The following TLR6 variants were observed in gnomAD, a reference collection of about 807,000 sequenced individuals.
The protein encoded by TLR6 is toll like receptor 6.
In TLR6, 9 loss-of-function variants were observed where a neutral mutation model predicts 16.1. The ratio of observed to expected loss-of-function variants is 0.56; its 90% CI spans 0.34 to 0.98. TLR6 has a LOEUF of 0.98. Ranked by LOEUF, TLR6 falls within the 50% of genes least tolerant of loss-of-function variation. The pLI, the probability that TLR6 is intolerant of heterozygous loss-of-function variation, is 0.02. For missense variants in TLR6, 786 were observed against 921.0 expected (o/e 0.85, Z 1.90); for synonymous variants, 340 against 338.6 (o/e 1.00, Z -0.04).
exon 2 of TLR6, chr4:38,828,882 T>A (rs1579239222): frequency 1.2e-6 from 2 of 1,612,630 alleles, no homozygotes; most frequent in Non-Finnish European, 1.7e-6. Flanking sequence ...AGGTGAAGGG[T>A]TTTTGCATTC....
At chr4:38,832,801 A>C (rs1381630037) in intron 1 of TLR6, among the ~76,000 whole-genome samples, 1 of 152,186 alleles carries the variant, frequency 6.6e-6, no homozygotes, top group Non-Finnish European at 1.5e-5. Context: ...CCCAGGAAAC[A>C]GGAAGCACAG....
chr4:38,844,712 A>T (rs1360109729), intron 1 of TLR6, among the ~76,000 whole-genome samples: 3 of 152,254 alleles, frequency 2.0e-5, no homozygotes, highest in African/African-American at 7.2e-5. Context: ...AGAAATTATA[A>T]AAGTCATATT....
intron 1 of TLR6, among the ~76,000 whole-genome samples, chr4:38,854,727 G>A (rs1712900407): frequency 6.6e-6 from 1 of 151,956 alleles, no homozygotes; most frequent in East Asian, 1.9e-4. Flanking sequence ...TCCACTACAA[G>A]GAATTTTCTA....
chr4:38,858,536 A>T (rs1713079009), upstream of TLR6, among the ~76,000 whole-genome samples: 2 of 152,136 alleles, frequency 1.3e-5, no homozygotes, highest in South Asian at 4.2e-4. Flanking sequence ...CTTGGCTAAC[A>T]TGGCGAAACC....
exon 2 of TLR6, chr4:38,829,270 C>T (rs773332796): frequency 1.2e-6 from 2 of 1,614,168 alleles, no homozygotes; most frequent in Non-Finnish European, 1.7e-6. Context: ...TGTCAGAGAC[C>T]TGAAGCTCAG....
intron 1 of TLR6, among the ~76,000 whole-genome samples, chr4:38,851,146 T>C (rs1477224578): frequency 2.0e-5 from 3 of 152,134 alleles, no homozygotes; most frequent in African/African-American, 7.2e-5. Flanking sequence ...ATTATCTCAA[T>C]AGATGCAGAA....
intron 1 of TLR6, among the ~76,000 whole-genome samples, chr4:38,850,625 T>A (rs940243000): frequency 6.6e-6 from 1 of 151,954 alleles, no homozygotes; most frequent in Non-Finnish European, 1.5e-5. Flanking sequence ...AACTAGAAAA[T>A]CTAGAAGAAG....
intron 1 of TLR6, among the ~76,000 whole-genome samples, chr4:38,844,966 A>G (rs112609403): frequency 0.25 from 37,311 of 152,022 alleles, 5,056 homozygotes; most frequent in Non-Finnish European, 0.28. Flanking sequence ...GGCTGAGGCA[A>G]GAGAATCGTT....
chr4:38,857,120 T>C (rs1352190293), upstream of TLR6, among the ~76,000 whole-genome samples: 1 of 152,260 alleles, frequency 6.6e-6, no homozygotes, highest in African/African-American at 2.4e-5. Flanking sequence ...TGGAAAGTTA[T>C]TTTAAACAGC....
chr4:38,827,719 A>T (rs751564146), exon 2 of TLR6: 3 of 1,614,242 alleles, frequency 1.9e-6, no homozygotes, highest in Non-Finnish European at 2.5e-6. Context: ...CGATCAGCAG[A>T]GTTATGTTGC....
chr4:38,841,227 C>T (rs1225318463), intron 1 of TLR6, among the ~76,000 whole-genome samples: 1 of 152,234 alleles, frequency 6.6e-6, no homozygotes, highest in East Asian at 1.9e-4. Context: ...TTTTATGCAA[C>T]GTTGACTCCA....
At chr4:38,856,702 T>G (rs763556716) in intron 1 of TLR6, 59 bp downstream of exon 1, 3 of 152,238 alleles carry the variant, frequency 2.0e-5, no homozygotes, top group Non-Finnish European at 4.4e-5. Context: ...TTAGCAAACT[T>G]GCTTACTTGA....
At chr4:38,829,425 G>T in exon 2 of TLR6, 1 of 1,613,778 alleles carries the variant, frequency 6.2e-7, no homozygotes. Flanking sequence ...ATGATCATAA[G>T]GCAAACAAAA....
At chr4:38,860,876 C>T (rs1436964395), upstream of TLR6, among the ~76,000 whole-genome samples, 1 of 152,130 alleles carries the variant, frequency 6.6e-6, no homozygotes, top group African/African-American at 2.4e-5. Context: ...GAAACAGGAG[C>T]TCACATACAT....
chr4:38,846,027 G>A (rs11942148), intron 1 of TLR6, among the ~76,000 whole-genome samples: 32,215 of 150,276 alleles, frequency 0.21, 4,178 homozygotes, highest in Non-Finnish European at 0.28. Context: ...GGGAGGTGGA[G>A]GTTGCAGTGA....
At chr4:38,858,146 T>C (rs143281993), upstream of TLR6, among the ~76,000 whole-genome samples, 527 of 152,238 alleles carry the variant, frequency 3.5e-3, 2 homozygotes, top group African/African-American at 0.012. Context: ...AATCAAGTAA[T>C]AGCGAAGATG....
chr4:38,826,911 G>T (rs1727566734), exon 2 of TLR6: 3 of 556,058 alleles, frequency 5.4e-6, no homozygotes, highest in African/African-American at 1.9e-5. Flanking sequence ...TCTCTAACTG[G>T]CAGGCTAACC....
At chr4:38,864,207 C>T in the TLR6 span, among the ~76,000 whole-genome samples, 5 of 152,222 alleles carry the variant, frequency 3.3e-5, no homozygotes, top group Non-Finnish European at 5.9e-5. Flanking sequence ...TCCACCACCT[C>T]ATATAGACCC....
At chr4:38,832,629 T>C (rs1338149458) in intron 1 of TLR6, among the ~76,000 whole-genome samples, 1 of 152,132 alleles carries the variant, frequency 6.6e-6, no homozygotes, top group Admixed American at 6.5e-5. Context: ...GCCCTCACCA[T>C]ACACATCCTG....
Sources: gnomAD v4.1 joint callset for allele counts (sites outside exome capture counted in the v4.1 genomes callset) on GRCh38, gnomAD v4.1.1 for gene constraint, MANE v1.5 for transcripts, NCBI Gene and HGNC (gene_info 2026-07-23, HGNC 2026-07-21) for gene names.